Variants in KCTD1 observed in about 807,000 individuals in gnomAD.
KCTD1 encodes the protein BTB/POZ domain-containing protein KCTD1.
Under a neutral mutation model 66.0 loss-of-function variants are expected in KCTD1, and 24 were observed. The ratio of observed to expected loss-of-function variants is 0.36; its 90% CI spans 0.26 to 0.51. KCTD1 has a LOEUF of 0.51. Ranked by LOEUF, KCTD1 falls within the 20% of genes least tolerant of loss-of-function variation. The probability of loss-of-function intolerance (pLI) is 0.95; values close to 1 mark genes in which losing one functional copy is unlikely to be tolerated. For synonymous variants in KCTD1, 511 were observed against 517.2 expected, an observed-to-expected ratio of 0.99 and a Z score of 0.16; for missense variants, 943 against 1,205.2, an observed-to-expected ratio of 0.78 and a Z score of 3.22.
chr18:26,529,635 C>T, intron 1 of KCTD1, among the ~76,000 whole-genome samples: 1 of 152,212 alleles, frequency 6.6e-6, no homozygotes, highest in East Asian at 1.9e-4. Flanking sequence ...CAGGTAAGTT[C>T]ATCTCCTTTT....
intron 1 of KCTD1, chr18:26,581,282 C>A (rs1986347024): frequency 6.6e-6 from 1 of 152,272 alleles, no homozygotes; most frequent in East Asian, 1.9e-4. Flanking sequence ...GGGTCTCATT[C>A]TGTTTCCCAG....
chr18:26,646,983 A>T (rs1987936127), intron 1 of KCTD1, among the ~76,000 whole-genome samples: 1 of 152,196 alleles, frequency 6.6e-6, no homozygotes, highest in African/African-American at 2.4e-5. Flanking sequence ...CTCACCTTGC[A>T]GCAATATACA....
upstream of KCTD1, chr18:26,549,096 CCGGAG>C (rs1171836387): frequency 7.2e-5 from 71 of 984,716 alleles, no homozygotes; most frequent in Non-Finnish European, 8.2e-5. Context: ...CTGGGGCCGC[CCGGAG>C]CGGAGCGGAG....
At chr18:26,552,377 C>G (rs940044995), upstream of KCTD1, among the ~76,000 whole-genome samples, 1 of 152,214 alleles carries the variant, frequency 6.6e-6, no homozygotes, top group African/African-American at 2.4e-5. Flanking sequence ...TAAAGCAACA[C>G]ACACCCTTGT....
At chr18:26,551,289 A>G (rs1033465053), upstream of KCTD1, among the ~76,000 whole-genome samples, 7 of 152,184 alleles carry the variant, frequency 4.6e-5, no homozygotes, top group Non-Finnish European at 1.0e-4. Flanking sequence ...TACTGGCAAA[A>G]GTCAGGGGAA....
At chr18:26,624,621 T>C (rs1316050448) in intron 1 of KCTD1, among the ~76,000 whole-genome samples, 5 of 152,242 alleles carry the variant, frequency 3.3e-5, no homozygotes, top group African/African-American at 1.2e-4. Context: ...CGGAAATGCC[T>C]GGATGTCCAG....
chr18:26,609,658 G>A (rs1371471023), intron 1 of KCTD1, among the ~76,000 whole-genome samples: 1 of 152,202 alleles, frequency 6.6e-6, no homozygotes, highest in Admixed American at 6.5e-5. Flanking sequence ...AGTTCAGATT[G>A]ACTCCAATGC....
upstream of KCTD1, among the ~76,000 whole-genome samples, chr18:26,632,468 G>T (rs1168451672): frequency 6.6e-6 from 1 of 152,178 alleles, no homozygotes; most frequent in African/African-American, 2.4e-5. Context: ...ATTTGACTTT[G>T]TCATGGAAGA....
chr18:26,524,478 G>A (rs1426965450), intron 1 of KCTD1, among the ~76,000 whole-genome samples: 1 of 152,172 alleles, frequency 6.6e-6, no homozygotes, highest in Non-Finnish European at 1.5e-5. Context: ...CTGTAGGAAT[G>A]ATCTGCATTA....
chr18:26,534,879 T>C (rs1025510091), intron 1 of KCTD1, among the ~76,000 whole-genome samples: 1 of 152,220 alleles, frequency 6.6e-6, no homozygotes, highest in Admixed American at 6.5e-5. Context: ...TTTTTTCTAC[T>C]GTCTTTTCCT....
At chr18:26,649,500 C>CT (rs1390740533) in intron 1 of KCTD1, among the ~76,000 whole-genome samples, 2 of 151,960 alleles carry the variant, frequency 1.3e-5, no homozygotes, top group African/African-American at 2.4e-5. Flanking sequence ...GCAAAGACAG[C>CT]TTTTTTGTTT....
intron 1 of KCTD1, among the ~76,000 whole-genome samples, chr18:26,590,217 G>A (rs1986566979): frequency 6.6e-6 from 1 of 151,920 alleles, no homozygotes; most frequent in Non-Finnish European, 1.5e-5. Flanking sequence ...CTGAGTAGCT[G>A]GGGTTACAGG....
At chr18:26,650,235 G>T (rs1368220798) in intron 1 of KCTD1, among the ~76,000 whole-genome samples, 1 of 152,134 alleles carries the variant, frequency 6.6e-6, no homozygotes, top group Non-Finnish European at 1.5e-5. Flanking sequence ...GCAGAACTTG[G>T]GTCCTCTTGT....
Position 26,476,427 on chromosome 18 carries a change from T to TTAA in KCTD1, c.2133+85_2133+87dup. 7.8e-7 allele frequency: 1 copy of TTAA among 1,289,578 alleles called. No homozygotes were observed. The highest frequency in any genetic ancestry group is 1.1e-6 in the Non-Finnish European group (1 of 941,036). 79.9% of individuals were successfully genotyped at this position (1,289,578 alleles called of 1,614,324 possible). Reference sequence around the variant, plus strand: ...CTGGCACCTTTCGAGTTGGTGTATGTTAATAATGTAGAACTAGAAATATTT... The same window carrying TTAA: ...CTGGCACCTTTCGAGTTGGTGTATGTTAATAATAATGTAGAACTAGAAATATTT... On this transcript the variant is annotated intron_variant, in intron 3 of 4. Coordinates refer to ENST00000580059, the MANE Select transcript of KCTD1 (RefSeq NM_001142730.3). The surrounding 1 kb of genome is among the most constrained non-coding windows in gnomAD (Gnocchi z 4.9).
intron 1 of KCTD1, among the ~76,000 whole-genome samples, chr18:26,541,203 A>G (rs1052937948): frequency 6.6e-6 from 1 of 152,162 alleles, no homozygotes; most frequent in African/African-American, 2.4e-5. Context: ...AAACACAACC[A>G]AAGTCCCTGC....
At chr18:26,519,776 G>A (rs1437604097) in intron 1 of KCTD1, among the ~76,000 whole-genome samples, 1 of 152,226 alleles carries the variant, frequency 6.6e-6, no homozygotes. Flanking sequence ...CAAGAATAAA[G>A]AGAAAGACGG....
intron 1 of KCTD1, among the ~76,000 whole-genome samples, chr18:26,593,653 G>A (rs1046445849): frequency 2.8e-3 from 326 of 117,992 alleles, no homozygotes; most frequent in Admixed American, 3.9e-3. Flanking sequence ...GAAGGAAGAG[G>A]AGGAAGAGGA....
At chr18:26,514,118 T>G (rs1983502536) in intron 1 of KCTD1, among the ~76,000 whole-genome samples, 1 of 152,232 alleles carries the variant, frequency 6.6e-6, no homozygotes, top group Non-Finnish European at 1.5e-5. Flanking sequence ...CAGCTTGAGA[T>G]TCCCCTGTAG....
rs1166974958 is a variant in KCTD1 at position 26,547,518 on chromosome 18, T to A, written c.1019A>T (p.Glu340Val). 1.3e-6 allele frequency: 2 copies of A among 1,551,494 alleles called. No homozygotes were observed. The highest frequency in any genetic ancestry group is 2.7e-5 in the African/African-American group (2 of 73,076). ...GAAGTAGACGAACTTGCGACCGTCC[T>A]CGTCCATGGCCAGCCCAAAAGAGTC... Reference protein sequence around the residue: ...EEDSFGLAMDEDGRKFVYFKS... With the variant: ...EEDSFGLAMDVDGRKFVYFKS... Residue 340 changes from glutamate (E) to valine (V), a missense_variant, in exon 1 of 5, where the codon GAG (glutamate) becomes GTG (valine). By Grantham distance (121) the Glu-to-Val change is moderately radical (BLOSUM62 -2). This residue lies in a region of KCTD1 where 66 missense variants were observed against 61.6 expected (regional missense o/e 1.07). Transcript: ENST00000580059.
Sources: allele counts gnomAD v4.1 joint callset (sites outside exome capture counted in the v4.1 genomes callset), GRCh38; gene constraint gnomAD v4.1.1; regional missense constraint gnomAD v4.1.1; non-coding constraint Gnocchi (gnomAD v3.1); transcripts MANE v1.5; gene names NCBI Gene and HGNC (gene_info 2026-07-23, HGNC 2026-07-21).